PIK3R3: variants seen among roughly 807,000 people sequenced by gnomAD.
PIK3R3 encodes phosphatidylinositol 3-kinase regulatory subunit gamma.
Under a neutral mutation model 62.9 loss-of-function variants are expected in PIK3R3, and 64 were observed. The observed-to-expected ratio is 1.02, with a 90% CI of 0.83 to 1.25. PIK3R3 has a LOEUF of 1.25. Among genes scored for constraint, PIK3R3 ranks in the 50% most tolerant of loss-of-function variants. PIK3R3 has a pLI of 0.00. For missense variants in PIK3R3, 614 were observed against 561.6 expected, an observed-to-expected ratio of 1.09 and a Z score of -0.94; for synonymous variants, 165 against 189.0, an observed-to-expected ratio of 0.87 and a Z score of 1.04.
chr1:46,045,616 GCTT>G (rs1264908487), intron 9 of PIK3R3, among the ~76,000 whole-genome samples: 10 of 16,546 alleles, frequency 6.0e-4, no homozygotes, highest in African/African-American at 1.8e-3. Flanking sequence ...ACAATTAAGT[GCTT>G]TTTTTTTTTT....
chr1:46,156,775 G>A, the PIK3R3 span, among the ~76,000 whole-genome samples: 2 of 152,230 alleles, frequency 1.3e-5, no homozygotes, highest in South Asian at 2.1e-4. Context: ...CTGCAGTCAC[G>A]TTATCAGTTC....
intron 1 of PIK3R3, among the ~76,000 whole-genome samples, chr1:46,090,347 T>TA (rs1651504837): frequency 1.3e-5 from 2 of 151,398 alleles, no homozygotes; most frequent in Admixed American, 1.3e-4. Flanking sequence ...TTTATTTATT[T>TA]TTTTGAGACA....
rs1647032295 is a variant in PIK3R3 at position 46,043,520 on chromosome 1, C to T, written c.*153G>A. On this transcript the variant is annotated 3_prime_UTR_variant, in exon 10 of 10. Transcript: ENST00000262741. Reference sequence around the variant, plus strand: ...ACCTCAGGCCTCTAATGCCCCCATCCCGGCCGGCTGCTGCTCGGCCTCTCC... The same window carrying T: ...ACCTCAGGCCTCTAATGCCCCCATCTCGGCCGGCTGCTGCTCGGCCTCTCC... 1.5e-6 allele frequency: 1 copy of T among 664,120 alleles called. No individual in the cohort carries two copies. The highest frequency in any genetic ancestry group is 1.9e-5 in the South Asian group (1 of 53,498). The allele number at this position is 664,120 out of a possible 1,614,324, so 41.1% of individuals were successfully genotyped here. A position where few individuals can be genotyped will look rare whatever the true frequency, so the allele number is the denominator to read the frequency against.
At chr1:46,045,617 C>T (rs867566812) in intron 9 of PIK3R3, among the ~76,000 whole-genome samples, 2,778 of 21,096 alleles carry the variant, frequency 0.13, 135 homozygotes, top group Admixed American at 0.18. Flanking sequence ...CAATTAAGTG[C>T]TTTTTTTTTT....
chr1:46,128,539 G>A (rs1403601867), intron 1 of PIK3R3, among the ~76,000 whole-genome samples: 3 of 152,180 alleles, frequency 2.0e-5, no homozygotes, highest in African/African-American at 4.8e-5. Context: ...TTAGCCCTAG[G>A]CTACTACAAT....
chr1:46,131,824 C>T, intron 1 of PIK3R3, 23 bp downstream of exon 1: 2 of 1,231,626 alleles, frequency 1.6e-6, no homozygotes, highest in African/African-American at 1.5e-5. Context: ...TCACGAGATT[C>T]TTTTTTTTTT....
Position 46,046,630 on chromosome 1 carries a change from CA to C in PIK3R3, c.942-6del. 6.2e-7 allele frequency: 1 copy of C among 1,607,982 alleles called. No homozygotes were observed. Among genetic ancestry groups the C allele is most frequent in the Non-Finnish European group, 8.5e-7 (1 of 1,174,428 alleles). On this transcript the variant is annotated splice_region_variant and splice_polypyrimidine_tract_variant and intron_variant, in intron 7 of 9. Transcript: ENST00000262741. ...ACTCCTTTGTGATTGAGCCATCTGC[CA>C]GAGGAAAGACACCAGTGTCAGTATC...
upstream of PIK3R3, chr1:46,132,682 C>T (rs758274928): frequency 7.8e-7 from 1 of 1,289,746 alleles, no homozygotes; most frequent in South Asian, 1.2e-5. Context: ...ACACCCTCCC[C>T]GCCCCATGCT....
At chr1:46,069,476 G>A (rs143779383) in intron 3 of PIK3R3, among the ~76,000 whole-genome samples, 188 of 150,468 alleles carry the variant, frequency 1.2e-3, no homozygotes, top group Non-Finnish European at 1.8e-3. Flanking sequence ...CCGAGATCAC[G>A]CCACTGCACT....
At chr1:46,166,683 G>C in the PIK3R3 span, among the ~76,000 whole-genome samples, 1 of 152,158 alleles carries the variant, frequency 6.6e-6, no homozygotes. Context: ...CTGCTAGTGA[G>C]CCCACTTCGC....
At chr1:46,069,245 C>T (rs536991112) in intron 3 of PIK3R3, among the ~76,000 whole-genome samples, 1 of 152,156 alleles carries the variant, frequency 6.6e-6, no homozygotes, top group East Asian at 1.9e-4. Context: ...TTAGACCAGG[C>T]ACGGTGGCTC....
intron 6 of PIK3R3, among the ~76,000 whole-genome samples, chr1:46,061,509 C>T (rs1648479762): frequency 6.6e-6 from 1 of 152,100 alleles, no homozygotes; most frequent in Non-Finnish European, 1.5e-5. Context: ...TTATGTACTC[C>T]CATACATAAG....
the PIK3R3 span, among the ~76,000 whole-genome samples, chr1:46,142,117 G>C: frequency 6.6e-6 from 1 of 152,092 alleles, no homozygotes; most frequent in Non-Finnish European, 1.5e-5. Context: ...ACCCATTCTT[G>C]CTTCCTTGCC....
intron 1 of PIK3R3, among the ~76,000 whole-genome samples, chr1:46,123,847 T>C (rs965131011): frequency 6.6e-6 from 1 of 152,220 alleles, no homozygotes; most frequent in Non-Finnish European, 1.5e-5. Context: ...CTTCAACAAA[T>C]GTTAGCAACT....
chr1:46,104,998 A>G, intron 1 of PIK3R3: 1 of 737,232 alleles, frequency 1.4e-6, no homozygotes. Context: ...AAACAATCGC[A>G]AGGCAGAGCC....
chr1:46,077,225 T>C (rs1349153173), intron 3 of PIK3R3, among the ~76,000 whole-genome samples: 4 of 152,234 alleles, frequency 2.6e-5, no homozygotes, highest in African/African-American at 4.8e-5. Flanking sequence ...AATATGCCCA[T>C]GACTTCTACT....
chr1:46,144,948 A>ATTTCT, the PIK3R3 span, among the ~76,000 whole-genome samples: 1 of 151,294 alleles, frequency 6.6e-6, no homozygotes, highest in Non-Finnish European at 1.5e-5. Flanking sequence ...ACATGGAGAA[A>ATTTCT]CCCCATCTCT....
chr1:46,074,286 C>CAAA (rs1179172400), intron 3 of PIK3R3, among the ~76,000 whole-genome samples: 232 of 20,786 alleles, frequency 0.011, 34 homozygotes, highest in Non-Finnish European at 0.016. Context: ...TAGACTCCGT[C>CAAA]AAAAAAAAAA....
At chr1:46,088,758 G>T (rs1651329619) in intron 1 of PIK3R3, among the ~76,000 whole-genome samples, 1 of 151,716 alleles carries the variant, frequency 6.6e-6, no homozygotes, top group Non-Finnish European at 1.5e-5. Flanking sequence ...CACATTTCCT[G>T]AATGAAAATG....
Sources: gnomAD v4.1 joint callset for allele counts (sites outside exome capture counted in the v4.1 genomes callset) on GRCh38, gnomAD v4.1.1 for gene constraint, MANE v1.5 for transcripts, NCBI Gene and HGNC (gene_info 2026-07-23, HGNC 2026-07-21) for gene names.